The following SNX24 variants were observed in gnomAD, a reference collection of about 807,000 sequenced individuals.
SNX24 encodes the protein sorting nexin-24.
In SNX24, 22 loss-of-function variants were observed where a neutral mutation model predicts 28.7. The observed-to-expected ratio is 0.77, with a 90% CI of 0.55 to 1.10. The LOEUF (loss-of-function observed/expected upper bound fraction) is 1.10. Ranked by LOEUF, SNX24 falls within the 50% of genes least tolerant of loss-of-function variation. The pLI, the probability that SNX24 is intolerant of heterozygous loss-of-function variation, is 0.00. For synonymous variants in SNX24, 69 were observed against 71.5 expected (o/e 0.96, Z 0.18); for missense variants, 221 against 201.1 (o/e 1.10, Z -0.60).
At chr5:122,987,950 T>A (rs995376495) in intron 3 of SNX24, among the ~76,000 whole-genome samples, 4 of 152,228 alleles carry the variant, frequency 2.6e-5, no homozygotes, top group African/African-American at 9.7e-5. Context: ...ACAAGCTTTT[T>A]AAAGAGAAGT....
At chr5:122,973,210 A>C (rs1325284855) in intron 3 of SNX24, among the ~76,000 whole-genome samples, 1 of 152,184 alleles carries the variant, frequency 6.6e-6, no homozygotes, top group African/African-American at 2.4e-5. Context: ...TTTTCCAATC[A>C]TGCTTCTTCC....
At chr5:122,954,197 CTA>C (rs1554075630) in intron 3 of SNX24, among the ~76,000 whole-genome samples, 3 of 150,636 alleles carry the variant, frequency 2.0e-5, no homozygotes, top group Non-Finnish European at 4.4e-5. Flanking sequence ...TTCTCTCTCT[CTA>C]TATATATATA....
intron 1 of SNX24, among the ~76,000 whole-genome samples, chr5:122,913,740 T>G (rs1308744802): frequency 6.6e-6 from 1 of 152,224 alleles, no homozygotes; most frequent in South Asian, 2.1e-4. Flanking sequence ...TCTCGGCACT[T>G]TGGGAGGCCA....
chr5:123,014,083 A>G (rs148445927), downstream of SNX24, among the ~76,000 whole-genome samples: 268 of 152,326 alleles, frequency 1.8e-3, no homozygotes, highest in African/African-American at 6.1e-3. Context: ...AAGGAAGCTT[A>G]GAGAAGTGAA....
At chr5:122,877,698 A>G (rs1241415176) in intron 1 of SNX24, among the ~76,000 whole-genome samples, 1 of 152,120 alleles carries the variant, frequency 6.6e-6, no homozygotes, top group Non-Finnish European at 1.5e-5. Context: ...AGCCTATCCC[A>G]TCCCCTACCC....
intron 1 of SNX24, among the ~76,000 whole-genome samples, chr5:122,890,203 C>G (rs1272232477): frequency 6.6e-6 from 1 of 152,088 alleles, no homozygotes; most frequent in Non-Finnish European, 1.5e-5. Flanking sequence ...CTGCCCCCGA[C>G]TAATAATGCT....
Position 123,000,089 on chromosome 5 carries a change from T to C in SNX24, c.344+83T>C, listed in dbSNP as rs1196238680. On this transcript the variant is annotated intron_variant, in intron 4 of 6. Transcript: ENST00000261369. The stretch of plus-strand genomic sequence containing the variant: ...TGATCTAACAAATAGCCCAGAGTGA[T>C]GCCCGAGTAGCCTGCCGGCCACGCC... 3 of 944,618 alleles carry C rather than the reference T, an allele frequency of 3.2e-6. No homozygotes were observed. The Admixed American group carries it at 5.3e-5, about 17-fold the overall frequency. The allele number at this position is 944,618 out of a possible 1,614,324, so 58.5% of individuals were successfully genotyped here. A position where few individuals can be genotyped will look rare whatever the true frequency, so the allele number is the denominator to read the frequency against.
intron 1 of SNX24, among the ~76,000 whole-genome samples, chr5:122,930,444 A>T (rs1758901047): frequency 6.6e-6 from 1 of 152,210 alleles, no homozygotes; most frequent in Non-Finnish European, 1.5e-5. Context: ...GGCAATTAGC[A>T]TGTCAGAGAA....
In SNX24 at chr5:122,911,505, T is replaced by C; in HGVS notation, c.61-25229T>C. Among the ~76,000 whole-genome samples the C allele has an allele frequency of 6.0e-5, 9 of 150,430 alleles. No individual in the cohort carries two copies. In the South Asian group the frequency reaches 6.4e-4, roughly 11 times the overall value. The stretch of plus-strand genomic sequence containing the variant: ...CCCATTTGTCAATTTTGGCTTTTGT[T>C]GCCATTGCTTTTGGTGTTTTAGACA... On this transcript the variant is annotated intron_variant, in intron 1 of 6. Transcript: ENST00000261369.
intron 3 of SNX24, among the ~76,000 whole-genome samples, chr5:122,970,813 T>G (rs1175068250): frequency 1.3e-5 from 2 of 152,210 alleles, no homozygotes; most frequent in Non-Finnish European, 2.9e-5. Context: ...GTTTACTAAC[T>G]AACCTCTTGA....
At chr5:122,907,444 G>A (rs1277355467) in intron 1 of SNX24, among the ~76,000 whole-genome samples, 1 of 152,180 alleles carries the variant, frequency 6.6e-6, no homozygotes, top group African/African-American at 2.4e-5. Context: ...GGCCCTCAGG[G>A]TAAAGTTTTA....
chr5:122,996,587 C>A (rs1024690722), intron 3 of SNX24, among the ~76,000 whole-genome samples: 1 of 152,112 alleles, frequency 6.6e-6, no homozygotes, highest in Non-Finnish European at 1.5e-5. Context: ...AATACAACAA[C>A]AATACTCAAA....
At chr5:123,004,091 G>A (rs538187510) in intron 6 of SNX24, among the ~76,000 whole-genome samples, 5 of 152,242 alleles carry the variant, frequency 3.3e-5, no homozygotes, top group South Asian at 2.1e-4. Flanking sequence ...AGGATATTGC[G>A]TATGGAAATT....
chr5:122,917,098 C>G (rs542803119), intron 1 of SNX24, among the ~76,000 whole-genome samples: 11 of 152,176 alleles, frequency 7.2e-5, no homozygotes, highest in African/African-American at 2.4e-4. Flanking sequence ...GAAACTCCGT[C>G]TCTACTAAAA....
chr5:122,942,800 A>G (rs1435074020), intron 2 of SNX24, among the ~76,000 whole-genome samples: 1 of 152,108 alleles, frequency 6.6e-6, no homozygotes, highest in Admixed American at 6.5e-5. Flanking sequence ...CTGGAAACAT[A>G]TTGTCTCGGG....
intron 1 of SNX24, among the ~76,000 whole-genome samples, chr5:122,856,440 G>A (rs59576507): frequency 0.14 from 18,855 of 138,042 alleles, 1,481 homozygotes; most frequent in East Asian, 0.36. Flanking sequence ...ACATATATGC[G>A]TATGTGGCTT....
At chr5:122,957,173 A>G (rs902155892) in intron 3 of SNX24, among the ~76,000 whole-genome samples, 5 of 152,172 alleles carry the variant, frequency 3.3e-5, no homozygotes, top group African/African-American at 1.2e-4. Context: ...CTCTGGATCC[A>G]TTTTGAGTTA....
intron 3 of SNX24, among the ~76,000 whole-genome samples, chr5:122,991,596 A>G (rs1451616803): frequency 6.6e-6 from 1 of 152,070 alleles, no homozygotes; most frequent in African/African-American, 2.4e-5. Flanking sequence ...AGTAGTTGGG[A>G]TCACAGGCAC....
At chr5:122,947,468 C>G (rs1759738373) in intron 3 of SNX24, among the ~76,000 whole-genome samples, 1 of 152,102 alleles carries the variant, frequency 6.6e-6, no homozygotes, top group African/African-American at 2.4e-5. Flanking sequence ...AGCTGACATG[C>G]AGAAGGCCCC....
Sources: gnomAD v4.1 joint callset for allele counts (sites outside exome capture counted in the v4.1 genomes callset) on GRCh38, gnomAD v4.1.1 for gene constraint, MANE v1.5 for transcripts, NCBI Gene and HGNC (gene_info 2026-07-23, HGNC 2026-07-21) for gene names.